Variants in MCC observed in about 807,000 individuals in gnomAD.
The protein encoded by MCC is colorectal mutant cancer protein.
A neutral mutation model predicts 116.2 loss-of-function variants in MCC; 90 were observed. The observed-to-expected ratio is 0.77, with a 90% confidence interval of 0.65 to 0.92. MCC has a LOEUF of 0.92. MCC is among the 40% of genes least tolerant of loss of function. The pLI is 0.00. For missense variants in MCC, 1,516 were observed against 1,312.2 expected (o/e 1.16, Z -2.40); for synonymous variants, 578 against 510.5 (o/e 1.13, Z -1.78).
chr5:113,172,221 T>C (rs776214140), intron 3 of MCC, among the ~76,000 whole-genome samples: 1 of 152,184 alleles, frequency 6.6e-6, no homozygotes, highest in Non-Finnish European at 1.5e-5. Context: ...TAAGACAGGA[T>C]TCAGAGGTGA....
At chr5:113,099,045 G>C (rs1756228513) in intron 8 of MCC, among the ~76,000 whole-genome samples, 1 of 152,016 alleles carries the variant, frequency 6.6e-6, no homozygotes, top group African/African-American at 2.4e-5. Context: ...GGGTGGGTGA[G>C]TGACGGCTGG....
chr5:113,388,710 A>T (rs1461820899), intron 1 of MCC, among the ~76,000 whole-genome samples: 2 of 152,234 alleles, frequency 1.3e-5, no homozygotes, highest in African/African-American at 4.8e-5. Context: ...CTTGCAGAAC[A>T]GTGAGCCAAA....
chr5:113,439,940 C>T (rs1770984492), intron 1 of MCC, among the ~76,000 whole-genome samples: 1 of 152,162 alleles, frequency 6.6e-6, no homozygotes. Flanking sequence ...CCATACCTCA[C>T]TATAGCCTCA....
chr5:113,062,486 C>G (rs953582700), intron 14 of MCC, among the ~76,000 whole-genome samples: 3 of 152,184 alleles, frequency 2.0e-5, no homozygotes, highest in Non-Finnish European at 2.9e-5. Flanking sequence ...TCATAAGCTA[C>G]TGAAACAGCA....
chr5:113,429,152 G>T (rs1300698989), intron 1 of MCC, among the ~76,000 whole-genome samples: 1 of 152,142 alleles, frequency 6.6e-6, no homozygotes, highest in Non-Finnish European at 1.5e-5. Context: ...ATATGCTGAA[G>T]CTCTAACCTC....
chr5:113,276,805 ATTTTTTT>A (rs35658846), intron 3 of MCC, among the ~76,000 whole-genome samples: 5 of 129,112 alleles, frequency 3.9e-5, no homozygotes, highest in Admixed American at 1.6e-4. Context: ...TTTTCTTCTT[ATTTTTTT>A]TTTTTTTTTG....
chr5:113,421,282 C>T (rs1206492236), intron 1 of MCC, among the ~76,000 whole-genome samples: 1 of 152,072 alleles, frequency 6.6e-6, no homozygotes, highest in African/African-American at 2.4e-5. Context: ...CGCCTGGACT[C>T]CCAAAGTGCT....
intron 3 of MCC, among the ~76,000 whole-genome samples, chr5:113,227,890 A>T (rs1319322185): frequency 6.6e-6 from 1 of 152,200 alleles, no homozygotes; most frequent in Non-Finnish European, 1.5e-5. Context: ...CTGTAAAGGA[A>T]GACTGCTCAT....
At chr5:113,130,555 T>C (rs1758361993) in intron 5 of MCC, among the ~76,000 whole-genome samples, 1 of 152,190 alleles carries the variant, frequency 6.6e-6, no homozygotes. Context: ...AACTCTCATG[T>C]AGAAATTTCA....
intron 11 of MCC, among the ~76,000 whole-genome samples, chr5:113,081,224 C>G (rs981703460): frequency 6.6e-6 from 1 of 152,152 alleles, no homozygotes; most frequent in Non-Finnish European, 1.5e-5. Flanking sequence ...GCTAGGATCA[C>G]AGAGATGACA....
chr5:113,311,932 G>A (rs891888243), intron 3 of MCC, among the ~76,000 whole-genome samples: 3 of 152,096 alleles, frequency 2.0e-5, no homozygotes, highest in Admixed American at 6.5e-5. Flanking sequence ...ATGGTGAAAC[G>A]TTGTCTCTAC....
chr5:113,326,691 C>T (rs1767562724), intron 3 of MCC, among the ~76,000 whole-genome samples: 1 of 152,332 alleles, frequency 6.6e-6, no homozygotes, highest in East Asian at 1.9e-4. Flanking sequence ...TCTCACTACA[C>T]TATATGGATT....
At chr5:113,122,339 C>T (rs1268636587) in intron 6 of MCC, among the ~76,000 whole-genome samples, 1 of 152,222 alleles carries the variant, frequency 6.6e-6, no homozygotes, top group African/African-American at 2.4e-5. Context: ...GATTCTTCCA[C>T]TGCAATGTGT....
intron 3 of MCC, among the ~76,000 whole-genome samples, chr5:113,257,363 G>A (rs1765052542): frequency 6.6e-6 from 1 of 152,094 alleles, no homozygotes; most frequent in African/African-American, 2.4e-5. Flanking sequence ...GAACTCCAAG[G>A]AACCCAGGAA....
At chr5:113,169,206 G>C (rs941546066) in intron 3 of MCC, among the ~76,000 whole-genome samples, 2 of 152,160 alleles carry the variant, frequency 1.3e-5, no homozygotes, top group East Asian at 3.8e-4. Flanking sequence ...AGAATCCAAA[G>C]AGTAGGGGGA....
At chr5:113,096,689 A>G (rs558728086) in intron 8 of MCC, among the ~76,000 whole-genome samples, 54 of 152,302 alleles carry the variant, frequency 3.5e-4, no homozygotes, top group African/African-American at 1.2e-3. Flanking sequence ...TAGGTGGTGG[A>G]TGGCCAACAG....
chr5:113,333,810 T>TACATATATGTACATATGTAC (rs778710246), intron 3 of MCC, among the ~76,000 whole-genome samples: 2 of 69,772 alleles, frequency 2.9e-5, no homozygotes, highest in African/African-American at 9.7e-5. Context: ...TGTATATATG[T>TACATATATGTACATATGTAC]ATATATGTAC....
chr5:113,067,254 T>G (rs921954423), intron 13 of MCC, among the ~76,000 whole-genome samples: 1 of 151,976 alleles, frequency 6.6e-6, no homozygotes, highest in Non-Finnish European at 1.5e-5. Flanking sequence ...GAAAGCGAGG[T>G]GGGCGAGCAT....
chr5:113,446,895 T>A (rs1280566921), intron 1 of MCC, among the ~76,000 whole-genome samples: 1 of 152,112 alleles, frequency 6.6e-6, no homozygotes, highest in East Asian at 1.9e-4. Context: ...AACCTCAGTA[T>A]CACACAATAT....
Sources: gnomAD v4.1 joint callset for allele counts (sites outside exome capture counted in the v4.1 genomes callset) on GRCh38, gnomAD v4.1.1 for gene constraint, MANE v1.5 for transcripts, NCBI Gene and HGNC (gene_info 2026-07-23, HGNC 2026-07-21) for gene names.